The following PRKCB variants were observed in gnomAD, a reference collection of about 807,000 sequenced individuals.
PRKCB encodes protein kinase C beta.
A neutral mutation model predicts 81.5 loss-of-function variants in PRKCB; 13 were observed. The ratio of observed to expected loss-of-function variants is 0.16; its 90% CI spans 0.10 to 0.25. The LOEUF (loss-of-function observed/expected upper bound fraction) is 0.25. Among genes scored for constraint, PRKCB ranks in the 10% least tolerant of loss-of-function variants. PRKCB has a pLI of 1.00. For synonymous variants in PRKCB, 335 were observed against 321.4 expected (o/e 1.04, Z -0.45); for missense variants, 509 against 875.7 (o/e 0.58, Z 5.29).
intron 6 of PRKCB, among the ~76,000 whole-genome samples, chr16:24,093,701 G>C (rs1214371426): frequency 6.6e-6 from 1 of 152,104 alleles, no homozygotes; most frequent in Non-Finnish European, 1.5e-5. Context: ...CTCTCTCAGG[G>C]CAAAGCTGGG....
intron 2 of PRKCB, among the ~76,000 whole-genome samples, chr16:23,929,488 G>C (rs897649462): frequency 6.6e-6 from 1 of 152,186 alleles, no homozygotes; most frequent in East Asian, 1.9e-4. Flanking sequence ...ATACCTCATA[G>C]AGGGTTGTGA....
At chr16:23,841,312 T>C (rs1345542839) in intron 2 of PRKCB, among the ~76,000 whole-genome samples, 1 of 152,034 alleles carries the variant, frequency 6.6e-6, no homozygotes, top group Non-Finnish European at 1.5e-5. Flanking sequence ...ACTCCTGACC[T>C]CAGGTGATCC....
intron 9 of PRKCB, among the ~76,000 whole-genome samples, chr16:24,130,324 G>T (rs764625063): frequency 1.3e-5 from 2 of 152,188 alleles, no homozygotes; most frequent in Non-Finnish European, 2.9e-5. Context: ...GCACCTGCGG[G>T]AGTGGGATTT....
At chr16:23,889,877 T>C (rs1597230453) in intron 2 of PRKCB, among the ~76,000 whole-genome samples, 2 of 152,356 alleles carry the variant, frequency 1.3e-5, no homozygotes, top group East Asian at 3.9e-4. Context: ...AATTCCAGTC[T>C]CATTTTATTT....
Position 24,016,122 on chromosome 16 carries a change from C to A in PRKCB, c.289-16014C>A, listed in dbSNP as rs1363464352. On this transcript the variant is annotated intron_variant, in intron 3 of 16. Transcript: ENST00000643927. Reference sequence around the variant, plus strand: ...GGATAACTACCGCTAGGGTTATTATCCTAGCTCCCCCTAGGGTTGTTGTTC... The same window carrying A: ...GGATAACTACCGCTAGGGTTATTATACTAGCTCCCCCTAGGGTTGTTGTTC... Among the ~76,000 whole-genome samples, 4 of 151,964 alleles carry A rather than the reference C, an allele frequency of 2.6e-5. No individual in the cohort carries two copies. The East Asian group carries it at 5.8e-4, about 22-fold the overall frequency.
Position 24,023,622 on chromosome 16 carries a change from C to T in PRKCB, c.289-8514C>T, listed in dbSNP as rs991347727. On this transcript the variant is annotated intron_variant, in intron 3 of 16. Coordinates refer to ENST00000643927, the MANE Select transcript of PRKCB (RefSeq NM_002738.7). The stretch of plus-strand genomic sequence containing the variant: ...TGACCTCGTGATCCGCCAGCCTCGG[C>T]CTCCCAAAGTGCTGGGATTACAGAC... Among the ~76,000 whole-genome samples the T allele has an allele frequency of 2.4e-4, 36 of 152,084 alleles. 1 individual carries two copies. Among genetic ancestry groups the T allele is most frequent in the African/African-American group, 8.2e-4 (34 of 41,410 alleles).
intron 3 of PRKCB, among the ~76,000 whole-genome samples, chr16:24,030,025 A>G (rs1419239174): frequency 6.6e-6 from 1 of 152,160 alleles, no homozygotes; most frequent in Non-Finnish European, 1.5e-5. Context: ...TCAACTTCCC[A>G]AGTAGCTGGG....
chr16:23,852,404 A>G (rs573755253), intron 2 of PRKCB, among the ~76,000 whole-genome samples: 8 of 152,142 alleles, frequency 5.3e-5, no homozygotes, highest in Non-Finnish European at 1.2e-4. Flanking sequence ...TTTTGTTAAC[A>G]TGGGTATCAC....
At chr16:24,070,338 G>A (rs1051147019) in intron 5 of PRKCB, among the ~76,000 whole-genome samples, 2 of 151,510 alleles carry the variant, frequency 1.3e-5, no homozygotes, top group African/African-American at 4.9e-5. Flanking sequence ...CAGTAGCGAC[G>A]GATTTTTGCC....
chr16:23,935,519 C>T (rs1964046213), intron 2 of PRKCB, among the ~76,000 whole-genome samples: 1 of 152,120 alleles, frequency 6.6e-6, no homozygotes, highest in Non-Finnish European at 1.5e-5. Context: ...ATCACACCAG[C>T]TTTGGGCATA....
At chr16:23,884,722 G>A (rs919344188) in intron 2 of PRKCB, among the ~76,000 whole-genome samples, 1 of 151,720 alleles carries the variant, frequency 6.6e-6, no homozygotes, top group African/African-American at 2.4e-5. Context: ...TTTATTTTTT[G>A]TAGCTGCAAG....
At chr16:24,110,725 G>T (rs543511667) in intron 7 of PRKCB, among the ~76,000 whole-genome samples, 2 of 151,944 alleles carry the variant, frequency 1.3e-5, no homozygotes, top group African/African-American at 4.8e-5. Flanking sequence ...TCGCTATGTT[G>T]CCCAGGCTGA....
At position 24,058,420 on chromosome 16, in the gene PRKCB, TA is replaced by T. The variant is rs958834862; in HGVS notation, c.529+22884del. 2.3e-3 allele frequency among the ~76,000 whole-genome samples: 330 copies of T among 145,668 alleles called. 1 individual carries two copies. The highest frequency in any genetic ancestry group is 7.2e-3 in the African/African-American group (286 of 39,928). On this transcript the variant is annotated intron_variant, in intron 5 of 16. Transcript: ENST00000643927. ...TTGCTGAGTAAATGGCTAAATAGGT[TA>T]AAAAAAAAAACCAAAAACGGTGGGC...
At chr16:23,901,274 A>T (rs1054940308) in intron 2 of PRKCB, among the ~76,000 whole-genome samples, 4 of 151,926 alleles carry the variant, frequency 2.6e-5, no homozygotes, top group African/African-American at 9.7e-5. Flanking sequence ...TTTATGATCG[A>T]TCATACCCAC....
At chr16:24,033,441 G>T (rs1028107144) in intron 4 of PRKCB, among the ~76,000 whole-genome samples, 1 of 152,130 alleles carries the variant, frequency 6.6e-6, no homozygotes, top group Non-Finnish European at 1.5e-5. Flanking sequence ...AGAGACTCAG[G>T]CAAAAGGAGG....
At chr16:23,893,183 G>A (rs529774748) in intron 2 of PRKCB, 3 of 152,338 alleles carry the variant, frequency 2.0e-5, no homozygotes, top group Non-Finnish European at 2.9e-5. Context: ...AAAGGGAGAA[G>A]TAAGAAGGAA....
In PRKCB at chr16:24,013,644, G is replaced by C. The variant is rs557711607; in HGVS notation, c.289-18492G>C. 9.9e-5 allele frequency among the ~76,000 whole-genome samples: 15 copies of C among 152,222 alleles called. No homozygotes were observed. In the East Asian group the frequency reaches 2.9e-3, roughly 29 times the overall value. ...TGGGATCTGTAAATCCCTGAAGGTG[G>C]GGTTGGCATCCGTTGTTTGATCACT... On this transcript the variant is annotated intron_variant, in intron 3 of 16. Transcript: ENST00000643927.
intron 2 of PRKCB, among the ~76,000 whole-genome samples, chr16:23,870,473 C>T (rs1199909449): frequency 6.6e-6 from 1 of 152,232 alleles, no homozygotes; most frequent in East Asian, 1.9e-4. Flanking sequence ...ACAACTTATC[C>T]TAGCTAGAAA....
At chr16:23,891,006 T>TGC (rs1963284919) in intron 2 of PRKCB, among the ~76,000 whole-genome samples, 1 of 24,314 alleles carries the variant, frequency 4.1e-5, no homozygotes, top group South Asian at 9.1e-4. Context: ...ATAATGCGTG[T>TGC]GTGTGTGTGT....
Sources: allele counts gnomAD v4.1 joint callset (sites outside exome capture counted in the v4.1 genomes callset), GRCh38; gene constraint gnomAD v4.1.1; transcripts MANE v1.5; gene names NCBI Gene and HGNC (gene_info 2026-07-23, HGNC 2026-07-21).